OR14L1: variants seen among roughly 807,000 people sequenced by gnomAD.
The protein encoded by OR14L1 is olfactory receptor 14L1.
the OR14L1 span, among the ~76,000 whole-genome samples, chr1:247,618,939 T>G: frequency 1.3e-5 from 2 of 152,192 alleles, no homozygotes; most frequent in Non-Finnish European, 2.9e-5. Flanking sequence ...CTGCTATTGT[T>G]TATAATACCA....
the OR14L1 span, among the ~76,000 whole-genome samples, chr1:247,619,135 A>G: frequency 1.7e-3 from 258 of 152,282 alleles, 1 homozygote; most frequent in Middle Eastern, 6.8e-3. Flanking sequence ...CTAAATAGTT[A>G]TGACATAAGG....
the OR14L1 span, chr1:247,620,913 A>T: frequency 6.6e-6 from 1 of 152,170 alleles, no homozygotes; most frequent in East Asian, 1.9e-4. Flanking sequence ...ATGAATTACT[A>T]CCGTATGTGT....
At chr1:247,618,043 C>A in the OR14L1 span, among the ~76,000 whole-genome samples, 5 of 152,056 alleles carry the variant, frequency 3.3e-5, no homozygotes, top group African/African-American at 1.2e-4. Flanking sequence ...GAAGTTGGTT[C>A]TTTTACTTGG....
At chr1:247,617,603 A>G in the OR14L1 span, among the ~76,000 whole-genome samples, 1 of 152,126 alleles carries the variant, frequency 6.6e-6, no homozygotes, top group African/African-American at 2.4e-5. Flanking sequence ...CACATCCATG[A>G]AAGCAGGTAA....
the OR14L1 span, chr1:247,617,449 T>C: frequency 6.6e-6 from 1 of 152,200 alleles, no homozygotes; most frequent in African/African-American, 2.4e-5. Context: ...TAATGTTATA[T>C]TATTTTTCAA....
At chr1:247,617,785 C>CTGTATGTGTGTGTGT in the OR14L1 span, among the ~76,000 whole-genome samples, 2 of 39,284 alleles carry the variant, frequency 5.1e-5, no homozygotes, top group Middle Eastern at 0.013. Flanking sequence ...GGTGAAAGTT[C>CTGTATGTGTGTGTGT]TGTATGTGTG....
At chr1:247,618,897 G>A in the OR14L1 span, among the ~76,000 whole-genome samples, 14 of 152,062 alleles carry the variant, frequency 9.2e-5, no homozygotes, top group East Asian at 2.1e-3. Context: ...CTCTTTTCTC[G>A]ATACATCCAC....
the OR14L1 span, among the ~76,000 whole-genome samples, chr1:247,617,996 G>A: frequency 1.3e-5 from 2 of 152,050 alleles, no homozygotes; most frequent in Non-Finnish European, 2.9e-5. Context: ...AATTAATGGT[G>A]CCCTGGTAAA....
the OR14L1 span, chr1:247,620,769 C>G: frequency 1.3e-5 from 2 of 152,140 alleles, no homozygotes. Flanking sequence ...CTAAAAGGTA[C>G]TTCGGGGTGT....
chr1:247,618,521 A>G, the OR14L1 span, among the ~76,000 whole-genome samples: 1 of 125,030 alleles, frequency 8.0e-6, no homozygotes. Flanking sequence ...ACTGGACTAG[A>G]CCAATCCAAA....
chr1:247,618,032 T>C, the OR14L1 span, among the ~76,000 whole-genome samples: 1 of 152,138 alleles, frequency 6.6e-6, no homozygotes, highest in African/African-American at 2.4e-5. Flanking sequence ...ATTCCCAAGA[T>C]GAAGTTGGTT....
the OR14L1 span, chr1:247,619,608 T>G: frequency 6.6e-6 from 1 of 152,184 alleles, no homozygotes; most frequent in African/African-American, 2.4e-5. Flanking sequence ...AATCCATTTT[T>G]TTTCTCTCTT....
the OR14L1 span, among the ~76,000 whole-genome samples, chr1:247,619,469 T>G: frequency 6.6e-6 from 1 of 152,202 alleles, no homozygotes; most frequent in African/African-American, 2.4e-5. Flanking sequence ...ATGCTTTGTA[T>G]AAAGCACTAT....
At chr1:247,618,267 C>T in the OR14L1 span, among the ~76,000 whole-genome samples, 84,744 of 151,822 alleles carry the variant, frequency 0.56, 23,930 homozygotes, top group East Asian at 0.79. Flanking sequence ...TGAAAACTGC[C>T]AGAAGAAGAG....
At chr1:247,619,094 AC>A in the OR14L1 span, among the ~76,000 whole-genome samples, 1 of 152,166 alleles carries the variant, frequency 6.6e-6, no homozygotes, top group African/African-American at 2.4e-5. Context: ...GTCTCCTGAT[AC>A]TTTTTTGAAA....
chr1:247,618,053 G>C, the OR14L1 span, among the ~76,000 whole-genome samples: 26 of 152,168 alleles, frequency 1.7e-4, 1 homozygote, highest in East Asian at 4.2e-3. Context: ...CTTTTACTTG[G>C]TCACAAGAAG....
chr1:247,620,761 A>G, the OR14L1 span: 3 of 152,208 alleles, frequency 2.0e-5, no homozygotes, highest in African/African-American at 7.2e-5. Context: ...AGAATGCACT[A>G]AAAGGTACTT....
At chr1:247,618,182 T>A in the OR14L1 span, among the ~76,000 whole-genome samples, 1 of 152,082 alleles carries the variant, frequency 6.6e-6, no homozygotes, top group Non-Finnish European at 1.5e-5. Flanking sequence ...TTCAGTTGAC[T>A]CCATTTTGGT....
At chr1:247,618,861 C>G in the OR14L1 span, among the ~76,000 whole-genome samples, 1 of 152,158 alleles carries the variant, frequency 6.6e-6, no homozygotes, top group Non-Finnish European at 1.5e-5. Flanking sequence ...TGCAACTCTT[C>G]TATAACAACA....
Sources: allele counts gnomAD v4.1 joint callset (sites outside exome capture counted in the v4.1 genomes callset), GRCh38; gene constraint gnomAD v4.1.1; transcripts MANE v1.5; gene names NCBI Gene and HGNC (gene_info 2026-07-23, HGNC 2026-07-21).